TEAD1: variants seen among roughly 807,000 people sequenced by gnomAD.
TEAD1 encodes the protein transcriptional enhancer factor TEF-1.
Under a neutral mutation model 54.9 loss-of-function variants are expected in TEAD1, and 9 were observed. The ratio of observed to expected loss-of-function variants is 0.16; its 90% CI spans 0.10 to 0.29. The LOEUF is 0.29. Ranked by LOEUF, TEAD1 falls within the 10% of genes least tolerant of loss-of-function variation. TEAD1 has a pLI of 1.00. For missense variants in TEAD1, 387 were observed against 535.9 expected, an observed-to-expected ratio of 0.72 and a Z score of 2.74; for synonymous variants, 200 against 187.8, an observed-to-expected ratio of 1.07 and a Z score of -0.53.
chr11:12,849,078 C>G (rs576401466), intron 3 of TEAD1: 1 of 152,316 alleles, frequency 6.6e-6, no homozygotes, highest in Non-Finnish European at 1.5e-5. Context: ...GATGGAATCT[C>G]GCTCTGTTGC....
At position 12,881,085 on chromosome 11, in the gene TEAD1, C is replaced by T. The variant is rs369282231; in HGVS notation, c.512+34C>T. On this transcript the variant is annotated intron_variant, in intron 7 of 12. Transcript: ENST00000527636. ...GAGGAGGGGTGGGCACTGACAACTA[C>T]GGGCTGGTCCCAGCCCACGTGGGGA... 44 of 1,612,492 alleles carry T rather than the reference C, an allele frequency of 2.7e-5. No individual in the cohort carries two copies. In the Admixed American group the frequency reaches 3.2e-4, roughly 12 times the overall value.
intron 9 of TEAD1, among the ~76,000 whole-genome samples, chr11:12,884,033 T>A (rs1948034187): frequency 6.6e-6 from 1 of 151,894 alleles, no homozygotes; most frequent in Non-Finnish European, 1.5e-5. Context: ...AATGGCACTT[T>A]AGCAGTTTGC....
intron 2 of TEAD1, among the ~76,000 whole-genome samples, chr11:12,716,600 C>G (rs900433526): frequency 6.6e-6 from 1 of 152,156 alleles, no homozygotes; most frequent in Non-Finnish European, 1.5e-5. Flanking sequence ...TTGCAGGTCA[C>G]CTGGTCTCTG....
intron 2 of TEAD1, among the ~76,000 whole-genome samples, chr11:12,722,206 A>G (rs530637073): frequency 2.0e-5 from 3 of 152,338 alleles, no homozygotes; most frequent in African/African-American, 7.2e-5. Context: ...TACAGTGACA[A>G]GATGGGCCAG....
chr11:12,864,791 T>C, intron 4 of TEAD1, 47 bp from the exon 5 acceptor site: 1 of 1,613,830 alleles, frequency 6.2e-7, no homozygotes, highest in Non-Finnish European at 8.5e-7. Context: ...TTCATCTCCA[T>C]GGTTACAGGC....
At chr11:12,777,750 A>G (rs886774104) in intron 3 of TEAD1, among the ~76,000 whole-genome samples, 19 of 152,190 alleles carry the variant, frequency 1.2e-4, no homozygotes, top group Admixed American at 1.0e-3. Flanking sequence ...TGGTGATATG[A>G]TCCTGATTAT....
chr11:12,793,711 A>G (rs1248728125), intron 3 of TEAD1, among the ~76,000 whole-genome samples: 1 of 152,222 alleles, frequency 6.6e-6, no homozygotes, highest in African/African-American at 2.4e-5. Context: ...GGAAAAAGGC[A>G]TGTAGGATGT....
At chr11:12,934,960 G>A (rs4564317) in intron 12 of TEAD1, among the ~76,000 whole-genome samples, 24,736 of 151,936 alleles carry the variant, frequency 0.16, 2,279 homozygotes, top group East Asian at 0.4. Flanking sequence ...TCTCAGGGAT[G>A]TTGCCTCGAT....
chr11:12,878,739 T>C, intron 5 of TEAD1: 1 of 337,314 alleles, frequency 3.0e-6, no homozygotes, highest in South Asian at 4.1e-5. Context: ...CACACCCCTA[T>C]GCATTTTATT....
At chr11:12,687,686 G>A (rs1943362373) in intron 2 of TEAD1, among the ~76,000 whole-genome samples, 1 of 152,080 alleles carries the variant, frequency 6.6e-6, no homozygotes, top group Non-Finnish European at 1.5e-5. Flanking sequence ...TTTCTTGGTG[G>A]CCCATTTTAC....
chr11:12,913,235 C>T (rs978793900), intron 10 of TEAD1, among the ~76,000 whole-genome samples: 5 of 152,028 alleles, frequency 3.3e-5, no homozygotes, highest in African/African-American at 9.7e-5. Context: ...TAAAGATCCA[C>T]GGTACCTCCT....
chr11:12,788,887 A>G lies in TEAD1; in HGVS notation c.202+24453A>G, dbSNP rs576645279. On this transcript the variant is annotated intron_variant, in intron 3 of 12. Coordinates refer to ENST00000527636, the MANE Select transcript of TEAD1 (RefSeq NM_021961.6). ...TTTCTTAAGCAGGGATTAAAAACCA[A>G]TTTAACTGGGGGTTTGGGTTTGTTT... Among the ~76,000 whole-genome samples the G allele has an allele frequency of 1.1e-3, 175 of 152,352 alleles. 1 individual carries two copies. Among genetic ancestry groups the G allele is most frequent in the Middle Eastern group, 3.4e-3 (1 of 294 alleles).
At chr11:12,753,166 T>A (rs866134845) in intron 2 of TEAD1, among the ~76,000 whole-genome samples, 1 of 152,176 alleles carries the variant, frequency 6.6e-6, no homozygotes, top group East Asian at 1.9e-4. Flanking sequence ...AGTTTATATG[T>A]CCTATTGTTA....
intron 7 of TEAD1, 77 bp from the exon 8 acceptor site, chr11:12,881,819 G>T: frequency 6.7e-7 from 1 of 1,493,884 alleles, no homozygotes; most frequent in Non-Finnish European, 9.3e-7. Flanking sequence ...CCACTGGGAG[G>T]TCATGGTGGG....
At chr11:12,758,391 A>AT (rs1207972819) in intron 2 of TEAD1, among the ~76,000 whole-genome samples, 3 of 141,374 alleles carry the variant, frequency 2.1e-5, no homozygotes, top group Non-Finnish European at 4.5e-5. Context: ...GGCACCTGTC[A>AT]TCACGCCCAG....
At chr11:12,771,143 G>C (rs1945303228) in intron 3 of TEAD1, among the ~76,000 whole-genome samples, 1 of 152,216 alleles carries the variant, frequency 6.6e-6, no homozygotes, top group Non-Finnish European at 1.5e-5. Context: ...TAAAGGCATG[G>C]AGGCCTGGAA....
At position 12,737,146 on chromosome 11, in the gene TEAD1, G is replaced by T. The variant is rs11022483; in HGVS notation, c.-54-27033G>T. On this transcript the variant is annotated intron_variant, in intron 2 of 12. Transcript: ENST00000527636. ...TTCAACTCTCTTGTTTTCAGATGAG[G>T]AGACGGAGGCCTAGGTAGGGGGAAA... is the stretch of plus-strand genomic sequence containing the variant. Among the ~76,000 whole-genome samples the T allele has an allele frequency of 1.5e-3, 233 of 152,210 alleles. 1 individual carries two copies. The highest frequency in any genetic ancestry group is 5.1e-3 in the African/African-American group (213 of 41,534).
At chr11:12,760,757 G>C (rs1945085892) in intron 2 of TEAD1, among the ~76,000 whole-genome samples, 1 of 152,184 alleles carries the variant, frequency 6.6e-6, no homozygotes, top group Admixed American at 6.5e-5. Flanking sequence ...AGAGCCTGTA[G>C]ATACAAGGCC....
intron 2 of TEAD1, among the ~76,000 whole-genome samples, chr11:12,727,913 C>T (rs1054595435): frequency 1.3e-5 from 2 of 151,682 alleles, no homozygotes; most frequent in Admixed American, 1.3e-4. Context: ...TTTAAATCTT[C>T]AAGTATTTCA....
Sources: gnomAD v4.1 joint callset for allele counts (sites outside exome capture counted in the v4.1 genomes callset) on GRCh38, gnomAD v4.1.1 for gene constraint, MANE v1.5 for transcripts, NCBI Gene and HGNC (gene_info 2026-07-23, HGNC 2026-07-21) for gene names.